Variants in APBB2 observed in about 807,000 individuals in gnomAD.
APBB2 encodes the protein amyloid beta precursor protein binding family B member 2.
APBB2 carries 38 observed loss-of-function variants against 82.5 expected under a neutral mutation model. The ratio of observed to expected loss-of-function variants is 0.46; its 90% CI spans 0.36 to 0.60. The LOEUF (loss-of-function observed/expected upper bound fraction) is 0.60. Among genes scored for constraint, APBB2 ranks in the 20% least tolerant of loss-of-function variants. APBB2 has a pLI of 0.00. For synonymous variants in APBB2, 341 were observed against 368.2 expected (o/e 0.93, Z 0.85); for missense variants, 772 against 972.3 (o/e 0.79, Z 2.74).
At chr4:41,061,058 G>A (rs912914767) in intron 4 of APBB2, among the ~76,000 whole-genome samples, 5 of 152,308 alleles carry the variant, frequency 3.3e-5, no homozygotes, top group Non-Finnish European at 4.4e-5. Flanking sequence ...CATGGTCAGA[G>A]CCATGCCTCA....
intron 12 of APBB2, among the ~76,000 whole-genome samples, chr4:40,855,029 CT>C (rs1288475737): frequency 1.3e-5 from 2 of 152,220 alleles, no homozygotes; most frequent in African/African-American, 4.8e-5. Flanking sequence ...AGATGACCGA[CT>C]TTAGTGCCCA....
At chr4:40,914,673 G>A (rs1291339388) in intron 10 of APBB2, among the ~76,000 whole-genome samples, 18 of 152,198 alleles carry the variant, frequency 1.2e-4, no homozygotes, top group Non-Finnish European at 2.6e-4. Context: ...GAGGCTTGCA[G>A]GAACCTAACT....
intron 5 of APBB2, among the ~76,000 whole-genome samples, chr4:41,026,072 C>A (rs1579345051): frequency 6.6e-6 from 1 of 152,062 alleles, no homozygotes; most frequent in Admixed American, 6.6e-5. Flanking sequence ...AGATTATTAT[C>A]CTTAGAAAAC....
intron 12 of APBB2, among the ~76,000 whole-genome samples, chr4:40,850,193 C>G (rs1758884774): frequency 6.6e-6 from 1 of 152,204 alleles, no homozygotes; most frequent in South Asian, 2.1e-4. Flanking sequence ...CCTGGCTGGA[C>G]ACAAACTCCT....
chr4:40,924,006 G>A (rs1335579442), intron 10 of APBB2, among the ~76,000 whole-genome samples: 2 of 152,224 alleles, frequency 1.3e-5, no homozygotes, highest in South Asian at 2.1e-4. Flanking sequence ...GCCAATGGCA[G>A]TGAGTGTCTG....
chr4:40,822,807 G>A (rs1255435293), intron 16 of APBB2, among the ~76,000 whole-genome samples: 2 of 152,166 alleles, frequency 1.3e-5, no homozygotes, highest in Admixed American at 6.5e-5. Flanking sequence ...GTGAGAGGTC[G>A]GGAAGTTTTC....
chr4:41,015,112 AGAG>A (rs542209155), intron 5 of APBB2, among the ~76,000 whole-genome samples: 94 of 152,264 alleles, frequency 6.2e-4, no homozygotes, highest in Non-Finnish European at 1.2e-3. Flanking sequence ...TAGAGCTCCC[AGAG>A]GAGTCTGAAT....
chr4:41,184,287 A>T (rs1042181182), intron 1 of APBB2, among the ~76,000 whole-genome samples: 4 of 152,192 alleles, frequency 2.6e-5, no homozygotes, highest in Non-Finnish European at 5.9e-5. Context: ...TGGGGGTAGA[A>T]GACCCCTGGG....
At chr4:41,075,083 T>C (rs575947264) in intron 3 of APBB2, among the ~76,000 whole-genome samples, 3 of 152,116 alleles carry the variant, frequency 2.0e-5, no homozygotes. Context: ...CAATGAGTCA[T>C]GTTTGTGACA....
intron 6 of APBB2, among the ~76,000 whole-genome samples, chr4:40,974,751 A>G (rs1224398255): frequency 6.6e-6 from 1 of 152,234 alleles, no homozygotes; most frequent in Non-Finnish European, 1.5e-5. Context: ...GGATTCTAAC[A>G]TAAATTCTGA....
intron 13 of APBB2, among the ~76,000 whole-genome samples, chr4:40,828,529 G>C (rs1056358228): frequency 6.6e-6 from 1 of 152,204 alleles, no homozygotes; most frequent in Non-Finnish European, 1.5e-5. Flanking sequence ...TTCTGTGCCA[G>C]GCCATGTTCT....
rs1185624668 is a variant in APBB2, at chr4:40,825,050, C to T, written c.1816+837G>A. 4.6e-5 allele frequency among the ~76,000 whole-genome samples: 7 copies of T among 152,320 alleles called. No individual in the cohort carries two copies. In the Middle Eastern group the frequency reaches 0.01, roughly 222 times the overall value. On this transcript the variant is annotated intron_variant, in intron 15 of 17. Transcript: ENST00000508593. ...TACAGCGCACTTCAGTCCTTCATTC[C>T]TTTTTATTGCCAAATAAAATTCCAC...
chr4:40,957,041 A>C (rs12650467), intron 6 of APBB2, among the ~76,000 whole-genome samples: 12,884 of 152,282 alleles, frequency 0.085, 592 homozygotes, highest in Middle Eastern at 0.14. Context: ...ACCTCAGAGA[A>C]AATGGCTTAA....
At chr4:41,198,765 C>A (rs919239692) in intron 1 of APBB2, among the ~76,000 whole-genome samples, 3 of 152,190 alleles carry the variant, frequency 2.0e-5, no homozygotes, top group African/African-American at 7.2e-5. Context: ...GAGCCATGAT[C>A]CCTCCAAAGT....
chr4:40,986,018 CCTAGTT>C lies in APBB2; in HGVS notation c.835+27559_835+27564del, dbSNP rs548066757. ...ACAAAAGAGAAGTTTTGTAAGGGCTCCTAGTTCTATTTGAAAAACCTTTAAGCTCCA... is the reference window on the plus strand; with the variant it reads ...ACAAAAGAGAAGTTTTGTAAGGGCTCCTATTTGAAAAACCTTTAAGCTCCA... On this transcript the variant is annotated intron_variant, in intron 6 of 17. Coordinates refer to ENST00000508593, the MANE Select transcript of APBB2 (RefSeq NM_004307.2). Among the ~76,000 whole-genome samples the C allele has an allele frequency of 2.9e-4, 44 of 152,208 alleles. 1 individual carries two copies. Among genetic ancestry groups the C allele is most frequent in the African/African-American group, 9.6e-4 (40 of 41,502 alleles).
At chr4:41,146,309 G>A (rs1163649419) in intron 1 of APBB2, among the ~76,000 whole-genome samples, 1 of 121,364 alleles carries the variant, frequency 8.2e-6, no homozygotes, top group Non-Finnish European at 1.6e-5. Flanking sequence ...CTGGGCAACA[G>A]AGTAAGACTG....
chr4:40,893,408 A>C lies in APBB2; in HGVS notation c.1258T>G (p.Phe420Val). ...SINSDPEAKC[F>V]AVRSLGWVEM... ...ACCCATCCCAGAGAACGCACAGCAA[A>C]ACACTGGAAGACAGTGAAAGAGGAC... The change falls in exon 11 of 18, where the codon TTT becomes GTT. Residue 420 changes from phenylalanine (F) to valine (V), a missense_variant. Coordinates refer to ENST00000508593, the MANE Select transcript of APBB2 (RefSeq NM_004307.2). The C allele has an allele frequency of 6.2e-7, 1 of 1,610,242 alleles. No individual in the cohort carries two copies. Among genetic ancestry groups the C allele is most frequent in the Non-Finnish European group, 8.5e-7 (1 of 1,177,940 alleles).
At chr4:40,957,561 C>A (rs960078353) in intron 6 of APBB2, among the ~76,000 whole-genome samples, 8 of 150,172 alleles carry the variant, frequency 5.3e-5, no homozygotes, top group Non-Finnish European at 2.9e-5. Context: ...TGATGGGGGA[C>A]TGCTTCTGCT....
intron 4 of APBB2, among the ~76,000 whole-genome samples, chr4:41,054,787 G>A (rs751925214): frequency 3.3e-5 from 5 of 151,948 alleles, no homozygotes; most frequent in Non-Finnish European, 7.4e-5. Flanking sequence ...AAGCTTTGAG[G>A]TGCAGCTCGC....
Sources: allele counts gnomAD v4.1 joint callset (sites outside exome capture counted in the v4.1 genomes callset), GRCh38; gene constraint gnomAD v4.1.1; transcripts MANE v1.5; gene names NCBI Gene and HGNC (gene_info 2026-07-23, HGNC 2026-07-21).